TENM4: variants seen among roughly 807,000 people sequenced by gnomAD.
TENM4 encodes the protein teneurin-4.
Under a neutral mutation model 243.3 loss-of-function variants are expected in TENM4, and 82 were observed. The observed-to-expected ratio is 0.34, with a 90% CI of 0.28 to 0.40. The LOEUF is 0.40. Ranked by LOEUF, TENM4 falls within the 10% of genes least tolerant of loss-of-function variation. The probability of loss-of-function intolerance (pLI) is 1.00; values close to 1 mark genes in which losing one functional copy is unlikely to be tolerated. For missense variants in TENM4, 3,138 were observed against 3,673.3 expected (o/e 0.85, Z 3.77); for synonymous variants, 1,412 against 1,456.3 (o/e 0.97, Z 0.69).
intron 12 of TENM4, among the ~76,000 whole-genome samples, chr11:78,842,902 G>A (rs1223815905): frequency 6.6e-6 from 1 of 152,354 alleles, no homozygotes; most frequent in East Asian, 1.9e-4. Flanking sequence ...GGCCAGGTGT[G>A]ATGGCTCATG....
intron 12 of TENM4, among the ~76,000 whole-genome samples, chr11:78,826,076 CTTTTTT>C (rs59565048): frequency 2.8e-4 from 32 of 115,404 alleles, no homozygotes; most frequent in Non-Finnish European, 4.7e-4. Context: ...AATCCCCCTC[CTTTTTT>C]TTTTTTTTTT....
chr11:79,223,178 C>T (rs894296059), intron 2 of TENM4, among the ~76,000 whole-genome samples: 2 of 152,066 alleles, frequency 1.3e-5, no homozygotes, highest in African/African-American at 4.8e-5. Context: ...AGGCTCTCAT[C>T]TGAGAAAGAT....
At chr11:78,890,049 C>G in intron 8 of TENM4, 29 bp from the exon 9 acceptor site, 9 of 1,503,936 alleles carry the variant, frequency 6.0e-6, no homozygotes, top group Non-Finnish European at 8.0e-6. Context: ...AAGAGGGTGT[C>G]AGGGGCTGCC....
At chr11:79,384,937 T>TAAAAATAAAATAAAATAAAA (rs376695919) in intron 1 of TENM4, among the ~76,000 whole-genome samples, 2 of 114,376 alleles carry the variant, frequency 1.7e-5, no homozygotes, top group Non-Finnish European at 3.6e-5. Flanking sequence ...AAAAATAAAA[T>TAAAAATAAAATAAAATAAAA]TAAAATAAAA....
At chr11:79,348,293 A>G (rs959651329) in intron 1 of TENM4, among the ~76,000 whole-genome samples, 5 of 152,116 alleles carry the variant, frequency 3.3e-5, no homozygotes, top group Admixed American at 6.5e-5. Flanking sequence ...ATGGTGCCCA[A>G]CTGTATGGAG....
At chr11:79,008,000 G>A (rs1456037657) in intron 6 of TENM4, among the ~76,000 whole-genome samples, 3 of 152,188 alleles carry the variant, frequency 2.0e-5, no homozygotes, top group Non-Finnish European at 2.9e-5. Flanking sequence ...CAAACCCGCA[G>A]CTCTTGGTCA....
intron 3 of TENM4, among the ~76,000 whole-genome samples, chr11:79,213,308 G>A (rs982250416): frequency 1.1e-4 from 16 of 152,190 alleles, no homozygotes; most frequent in African/African-American, 3.1e-4. Flanking sequence ...CCTGCCATGT[G>A]CCAGGCATCT....
chr11:79,011,087 C>T (rs1396238669), intron 6 of TENM4, among the ~76,000 whole-genome samples: 1 of 152,172 alleles, frequency 6.6e-6, no homozygotes, highest in Non-Finnish European at 1.5e-5. Flanking sequence ...CCTTATTAAG[C>T]CCTGTTAGAA....
chr11:78,664,988 C>G (rs2135648088), intron 32 of TENM4, among the ~76,000 whole-genome samples: 1 of 152,274 alleles, frequency 6.6e-6, no homozygotes, highest in South Asian at 2.1e-4. Flanking sequence ...CAGTGCTCCT[C>G]TGAAGAGCTG....
chr11:79,167,138 T>A (rs960428447), intron 3 of TENM4, among the ~76,000 whole-genome samples: 1 of 152,028 alleles, frequency 6.6e-6, no homozygotes, highest in African/African-American at 2.4e-5. Context: ...TCTACAGAGT[T>A]ACCAAAGCCC....
chr11:78,763,595 G>C (rs79919390), intron 18 of TENM4, among the ~76,000 whole-genome samples: 1,580 of 152,346 alleles, frequency 0.01, 22 homozygotes, highest in African/African-American at 0.036. Context: ...TTTGATGCCT[G>C]CCTTGCAGGT....
Position 78,814,354 on chromosome 11 carries a change from C to T in TENM4, c.1723G>A (p.Asp575Asn). ...NCPSNCYGNGDCISGTCHCFL... is the reference protein window; with the variant it reads ...NCPSNCYGNGNCISGTCHCFL... Reference sequence around the variant, plus strand: ...CAGTGGCAGGTCCCAGAGATGCAGTCACCATTGCCATAGCAGTTGCTGGGG... The same window carrying T: ...CAGTGGCAGGTCCCAGAGATGCAGTTACCATTGCCATAGCAGTTGCTGGGG... Residue 575 changes from aspartate to asparagine, a missense_variant, in exon 13 of 34, where the codon GAC becomes AAC. Physicochemically the swap from Asp to Asn is conservative, Grantham distance 23. Transcript: ENST00000278550. The T allele has an allele frequency of 6.4e-7, 1 of 1,550,418 alleles. No individual in the cohort carries two copies. Among genetic ancestry groups the T allele is most frequent in the Non-Finnish European group, 8.7e-7 (1 of 1,146,472 alleles).
rs1041710196 is a variant in TENM4 at position 78,654,553 on chromosome 11, T to G, written c.*3505A>C. ...CTACAAAACACTGCCCAGTCTGCCT[T>G]GCCATCATCTTCTGTGCCCCCTCCT... On this transcript the variant is annotated 3_prime_UTR_variant, in exon 34 of 34. Transcript: ENST00000278550. The G allele has an allele frequency of 6.6e-6, 1 of 152,250 alleles. No homozygotes were observed. Among genetic ancestry groups the G allele is most frequent in the Admixed American group, 6.5e-5 (1 of 15,290 alleles). The allele number at this position is 152,250 out of a possible 1,614,324, so 9.4% of individuals were successfully genotyped here. A position where few individuals can be genotyped will look rare whatever the true frequency, so the allele number is the denominator to read the frequency against.
intron 6 of TENM4, among the ~76,000 whole-genome samples, chr11:78,955,128 C>T (rs987631980): frequency 6.6e-6 from 1 of 152,214 alleles, no homozygotes; most frequent in Non-Finnish European, 1.5e-5. Flanking sequence ...ATGAACAAAG[C>T]CCAAACTAGT....
At chr11:79,060,967 C>T (rs1860070937) in intron 6 of TENM4, among the ~76,000 whole-genome samples, 4 of 151,984 alleles carry the variant, frequency 2.6e-5, no homozygotes, top group Admixed American at 2.6e-4. Flanking sequence ...GGCTGGGGCC[C>T]AGGGGTTTGT....
intron 3 of TENM4, among the ~76,000 whole-genome samples, chr11:79,169,537 C>T (rs1198195111): frequency 6.6e-6 from 1 of 152,122 alleles, no homozygotes; most frequent in East Asian, 1.9e-4. Flanking sequence ...ACTCAAGCTC[C>T]CCCAGAGACT....
intron 32 of TENM4, among the ~76,000 whole-genome samples, chr11:78,668,269 C>T (rs1268027093): frequency 6.6e-6 from 1 of 151,900 alleles, no homozygotes; most frequent in Admixed American, 6.6e-5. Context: ...GACTTATTAG[C>T]TAGGACTCTT....
chr11:78,832,704 T>C (rs1167518897), intron 12 of TENM4, among the ~76,000 whole-genome samples: 1 of 152,246 alleles, frequency 6.6e-6, no homozygotes, highest in African/African-American at 2.4e-5. Context: ...CAGGGCCTAT[T>C]ATTAATCCAT....
chr11:78,858,017 G>A (rs780403380), intron 10 of TENM4, among the ~76,000 whole-genome samples: 6 of 152,218 alleles, frequency 3.9e-5, no homozygotes, highest in South Asian at 2.1e-4. Context: ...CCAAGGATGC[G>A]TTTCCTTTGT....
Sources: allele counts gnomAD v4.1 joint callset (sites outside exome capture counted in the v4.1 genomes callset), GRCh38; gene constraint gnomAD v4.1.1; transcripts MANE v1.5; gene names NCBI Gene and HGNC (gene_info 2026-07-23, HGNC 2026-07-21).